Variants in CAMTA1 observed in about 807,000 individuals in gnomAD.
CAMTA1 encodes the protein calmodulin binding transcription activator 1.
A neutral mutation model predicts 170.9 loss-of-function variants in CAMTA1; 27 were observed. The observed-to-expected ratio is 0.16, with a 90% confidence interval of 0.12 to 0.22. The LOEUF (loss-of-function observed/expected upper bound fraction) is 0.22. Among genes scored for constraint, CAMTA1 ranks in the 10% least tolerant of loss-of-function variants. CAMTA1 has a pLI of 1.00. For synonymous variants in CAMTA1, 833 were observed against 891.5 expected (o/e 0.93, Z 1.17); for missense variants, 1,619 against 2,217.2 (o/e 0.73, Z 5.42).
intron 1 of CAMTA1, among the ~76,000 whole-genome samples, chr1:6,796,884 C>T (rs376533331): frequency 1.5e-4 from 23 of 152,084 alleles, no homozygotes; most frequent in Admixed American, 5.9e-4. Context: ...AATGGTGAGC[C>T]GTAAAAAAGT....
chr1:7,075,311 T>C (rs1345738473), intron 3 of CAMTA1, among the ~76,000 whole-genome samples: 2 of 152,230 alleles, frequency 1.3e-5, no homozygotes, highest in African/African-American at 4.8e-5. Flanking sequence ...AGAACACATA[T>C]ACATATATTC....
At position 7,680,910 on chromosome 1, in the gene CAMTA1, G is replaced by T. The variant is rs1338519896; in HGVS notation, c.2914+3177G>T. Among the ~76,000 whole-genome samples, 6 of 139,754 alleles carry T rather than the reference G, an allele frequency of 4.3e-5. No individual in the cohort carries two copies. The highest frequency in any genetic ancestry group is 1.6e-4 in the African/African-American group (6 of 38,680). 91.7% of individuals were successfully genotyped at this position (139,754 alleles called of 152,430 possible). ...GCTGCGGCGAAGTCTTTGTCCCCGC[G>T]GCGCAGCCTTTGTCCCCGCGGCGTA... On this transcript the variant is annotated intron_variant, in intron 11 of 22. Coordinates refer to ENST00000303635, the MANE Select transcript of CAMTA1 (RefSeq NM_015215.4). This position sits in a 1 kb window ranked among gnomAD's most constrained non-coding sequence, Gnocchi z 4.4.
chr1:6,824,905 A>G (rs765590521), intron 2 of CAMTA1, among the ~76,000 whole-genome samples, 187 bp from the exon 3 acceptor site: 1 of 152,208 alleles, frequency 6.6e-6, no homozygotes, highest in Admixed American at 6.5e-5. Flanking sequence ...CCTCTTGACC[A>G]GATTCCTGCT....
intron 3 of CAMTA1, among the ~76,000 whole-genome samples, chr1:6,841,064 A>G (rs1655472107): frequency 2.0e-5 from 3 of 152,128 alleles, no homozygotes; most frequent in South Asian, 2.1e-4. Context: ...TCCACCTTCT[A>G]GAGTCTGCTT....
At chr1:7,130,227 C>T (rs544836188) in intron 4 of CAMTA1, among the ~76,000 whole-genome samples, 2 of 152,288 alleles carry the variant, frequency 1.3e-5, no homozygotes, top group African/African-American at 4.8e-5. Context: ...GTGTGAGGCA[C>T]CATGCCCAGT....
At chr1:7,188,078 C>T (rs1276315370) in intron 4 of CAMTA1, among the ~76,000 whole-genome samples, 1 of 152,108 alleles carries the variant, frequency 6.6e-6, no homozygotes, top group Non-Finnish European at 1.5e-5. Flanking sequence ...GAGAAGTGGG[C>T]AAGAGGGGAA....
In CAMTA1 at chr1:7,606,650, G is replaced by A. The variant is rs2095488725; in HGVS notation, c.511-33750G>A. On this transcript the variant is annotated intron_variant, in intron 6 of 22. Coordinates refer to ENST00000303635, the MANE Select transcript of CAMTA1 (RefSeq NM_015215.4). Reference sequence around the variant, plus strand: ...AGCACCAGACATGATCTGTGAAAGAGCTGGGAGGAAAATGTTGCATGTTCA... The same window carrying A: ...AGCACCAGACATGATCTGTGAAAGAACTGGGAGGAAAATGTTGCATGTTCA... Among the ~76,000 whole-genome samples, 7 of 152,216 alleles carry A rather than the reference G, an allele frequency of 4.6e-5. 1 individual carries two copies. The highest frequency in any genetic ancestry group is 4.6e-4 in the Admixed American group (7 of 15,290).
intron 5 of CAMTA1, among the ~76,000 whole-genome samples, chr1:7,312,942 C>T (rs1676957669): frequency 1.3e-5 from 2 of 152,202 alleles, no homozygotes; most frequent in South Asian, 4.2e-4. Context: ...GGCTCCATGA[C>T]ATTTTCTTGG....
intron 5 of CAMTA1, among the ~76,000 whole-genome samples, chr1:7,401,953 A>T (rs1270678200): frequency 6.6e-6 from 1 of 151,986 alleles, no homozygotes; most frequent in African/African-American, 2.4e-5. Context: ...CCCATGCCTG[A>T]CTCTGAGTCA....
At chr1:7,255,188 A>G (rs1249692431) in intron 5 of CAMTA1, among the ~76,000 whole-genome samples, 1 of 152,172 alleles carries the variant, frequency 6.6e-6, no homozygotes, top group Non-Finnish European at 1.5e-5. Context: ...CCTAATGTAG[A>G]TGACAGGTTG....
intron 6 of CAMTA1, among the ~76,000 whole-genome samples, chr1:7,510,138 G>A (rs758806184): frequency 4.5e-5 from 6 of 133,994 alleles, no homozygotes; most frequent in Middle Eastern, 3.5e-3. Flanking sequence ...CGCTTGGTAC[G>A]ACGGCACTCG....
chr1:7,505,655 C>T (rs914779577), intron 6 of CAMTA1, among the ~76,000 whole-genome samples: 5 of 152,174 alleles, frequency 3.3e-5, no homozygotes, highest in African/African-American at 9.7e-5. Flanking sequence ...GGAGACAGCC[C>T]ACCCAGAGGC....
At chr1:6,892,366 A>G (rs1040442788) in intron 3 of CAMTA1, among the ~76,000 whole-genome samples, 3 of 152,196 alleles carry the variant, frequency 2.0e-5, no homozygotes, top group Non-Finnish European at 4.4e-5. Context: ...GAGAGGCTAC[A>G]TCTTGTTTGC....
intron 6 of CAMTA1, among the ~76,000 whole-genome samples, chr1:7,637,302 G>A (rs1292225091): frequency 6.6e-6 from 1 of 152,222 alleles, no homozygotes; most frequent in African/African-American, 2.4e-5. Flanking sequence ...CCTCCTGCAG[G>A]GCCGGGCTTC....
Position 7,236,267 on chromosome 1 carries a change from A to T in CAMTA1, c.303-13224A>T, listed in dbSNP as rs182451943. The stretch of plus-strand genomic sequence containing the variant: ...TCAACCTTGCTATGTGCAAGGCATC[A>T]ATTACTGCCCTCGCTGGGTTTGTGC... On this transcript the variant is annotated intron_variant, in intron 4 of 22. Transcript: ENST00000303635. Among the ~76,000 whole-genome samples, 81 of 152,276 alleles carry T rather than the reference A, an allele frequency of 5.3e-4. 2 individuals carry two copies. The South Asian group carries it at 7.9e-3, about 15-fold the overall frequency.
intron 5 of CAMTA1, among the ~76,000 whole-genome samples, chr1:7,287,647 C>T (rs1045042855): frequency 6.6e-6 from 1 of 152,140 alleles, no homozygotes; most frequent in African/African-American, 2.4e-5. Context: ...CTAGGTTAGG[C>T]CACGTGCTGG....
chr1:7,495,832 C>T (rs972105717), intron 6 of CAMTA1, among the ~76,000 whole-genome samples: 13 of 152,214 alleles, frequency 8.5e-5, no homozygotes, highest in African/African-American at 1.4e-4. Context: ...CTTGTTGGAA[C>T]AGAGTTCCTC....
At chr1:7,349,127 A>C (rs1440165280) in intron 5 of CAMTA1, among the ~76,000 whole-genome samples, 1 of 152,208 alleles carries the variant, frequency 6.6e-6, no homozygotes, top group Non-Finnish European at 1.5e-5. Context: ...TAAATGTAAA[A>C]GTCATTCCCG....
At chr1:6,982,286 T>G (rs1694568010) in intron 3 of CAMTA1, among the ~76,000 whole-genome samples, 1 of 152,290 alleles carries the variant, frequency 6.6e-6, no homozygotes, top group Middle Eastern at 3.4e-3. Flanking sequence ...AGAAGCCTCC[T>G]AGAGCAGCAA....
Sources: gnomAD v4.1 joint callset for allele counts (sites outside exome capture counted in the v4.1 genomes callset) on GRCh38, gnomAD v4.1.1 for gene constraint, Gnocchi (gnomAD v3.1) non-coding constraint, MANE v1.5 for transcripts, NCBI Gene and HGNC (gene_info 2026-07-23, HGNC 2026-07-21) for gene names.